Variants in PTPRN2 observed in about 807,000 individuals in gnomAD.
PTPRN2 encodes protein tyrosine phosphatase receptor type N2.
A neutral mutation model predicts 118.8 loss-of-function variants in PTPRN2; 74 were observed. That is an observed-to-expected ratio of 0.62 (90% CI 0.52 to 0.76). The LOEUF is 0.76. Ranked by LOEUF, PTPRN2 falls within the 30% of genes least tolerant of loss-of-function variation. The pLI is 0.00. For synonymous variants in PTPRN2, 641 were observed against 608.0 expected, an observed-to-expected ratio of 1.05 and a Z score of -0.80; for missense variants, 1,481 against 1,394.4, an observed-to-expected ratio of 1.06 and a Z score of -0.99.
intron 2 of PTPRN2, among the ~76,000 whole-genome samples, chr7:158,481,820 C>A (rs1000682758): frequency 9.2e-5 from 14 of 152,230 alleles, no homozygotes; most frequent in Admixed American, 2.6e-4. Flanking sequence ...ATAGTGATTC[C>A]TCTGACTGAT....
At position 157,785,388 on chromosome 7, in the gene PTPRN2, GC is replaced by G. The variant is rs1563106233; in HGVS notation, c.1789-102452del. Among the ~76,000 whole-genome samples the G allele has an allele frequency of 6.6e-6, 1 of 152,150 alleles. No homozygotes were observed. The highest frequency in any genetic ancestry group is 1.5e-5 in the Non-Finnish European group (1 of 68,020). ...GACCACGGTGCTCCAAAACGAAATC[GC>G]CCCCGAGGATGAAAGGGGGTGGTGG... On this transcript the variant is annotated intron_variant, in intron 12 of 22. Transcript: ENST00000389418. The surrounding 1 kb of genome is among the most constrained non-coding windows in gnomAD (Gnocchi z 7.3).
chr7:158,139,608 TG>T (rs1819184212), intron 6 of PTPRN2, among the ~76,000 whole-genome samples: 1 of 150,924 alleles, frequency 6.6e-6, no homozygotes, highest in African/African-American at 2.4e-5. Context: ...GATAATAAAA[TG>T]CAAGGAGAAC....
At chr7:158,116,031 C>T (rs1487916818) in intron 9 of PTPRN2, among the ~76,000 whole-genome samples, 4 of 152,182 alleles carry the variant, frequency 2.6e-5, no homozygotes, top group South Asian at 2.1e-4. Flanking sequence ...CTGCATGGAG[C>T]GGTGAAGTAA....
chr7:158,580,385 G>C (rs747462015), intron 1 of PTPRN2, among the ~76,000 whole-genome samples: 1 of 152,194 alleles, frequency 6.6e-6, no homozygotes, highest in Non-Finnish European at 1.5e-5. Flanking sequence ...TCAGAAACCA[G>C]GTCAGCCTTC....
chr7:158,474,179 C>T lies in PTPRN2; in HGVS notation c.163+15556G>A, dbSNP rs577936469. Among the ~76,000 whole-genome samples the T allele has an allele frequency of 2.5e-3, 379 of 152,288 alleles. 1 individual carries two copies. Among genetic ancestry groups the T allele is most frequent in the African/African-American group, 8.3e-3 (345 of 41,556 alleles). ...GGTCATCAGCCACAGCTAAGCCAGGCCAACCCAAGAGGCACAGCGAACTCT... is the reference window on the plus strand; with the variant it reads ...GGTCATCAGCCACAGCTAAGCCAGGTCAACCCAAGAGGCACAGCGAACTCT... On this transcript the variant is annotated intron_variant, in intron 2 of 22. Transcript: ENST00000389418.
chr7:157,574,803 C>A (rs1401735826), intron 19 of PTPRN2, among the ~76,000 whole-genome samples: 1 of 152,188 alleles, frequency 6.6e-6, no homozygotes, highest in Admixed American at 6.5e-5. Flanking sequence ...AACCAGCCAC[C>A]GGCAATGCTT....
At chr7:157,710,552 G>C (rs1488839201) in intron 12 of PTPRN2, among the ~76,000 whole-genome samples, 1 of 145,806 alleles carries the variant, frequency 6.9e-6, no homozygotes, top group Non-Finnish European at 1.5e-5. Flanking sequence ...TCCCGCTGCA[G>C]AAGAACCCTG....
At chr7:157,912,330 A>C (rs1445363294) in intron 11 of PTPRN2, among the ~76,000 whole-genome samples, 1 of 152,152 alleles carries the variant, frequency 6.6e-6, no homozygotes, top group East Asian at 1.9e-4. Context: ...CTCTTACATG[A>C]AATTTTTGTT....
intron 3 of PTPRN2, among the ~76,000 whole-genome samples, chr7:158,255,849 C>T (rs975683140): frequency 6.6e-6 from 1 of 152,012 alleles, no homozygotes; most frequent in African/African-American, 2.4e-5. Context: ...CTCAGGGCAC[C>T]CGTCCTCACT....
chr7:158,227,977 C>T (rs1341419426), intron 3 of PTPRN2, among the ~76,000 whole-genome samples: 1 of 151,178 alleles, frequency 6.6e-6, no homozygotes, highest in African/African-American at 2.4e-5. Context: ...AAATGCAAAG[C>T]ATTTCTATAA....
chr7:158,206,866 G>T (rs78950795), intron 3 of PTPRN2, among the ~76,000 whole-genome samples: 3 of 149,562 alleles, frequency 2.0e-5, no homozygotes, highest in African/African-American at 7.4e-5. Flanking sequence ...GTACAGGTTA[G>T]TTACATACGT....
intron 2 of PTPRN2, among the ~76,000 whole-genome samples, chr7:158,414,521 G>T (rs1402977907): frequency 2.0e-5 from 3 of 152,234 alleles, no homozygotes; most frequent in Admixed American, 1.3e-4. Flanking sequence ...GAAATTAGAT[G>T]TTCTCCGGGC....
intron 11 of PTPRN2, among the ~76,000 whole-genome samples, chr7:157,970,251 C>T (rs1488809009): frequency 6.6e-6 from 1 of 152,206 alleles, no homozygotes; most frequent in Non-Finnish European, 1.5e-5. Flanking sequence ...GAGCTCAGGA[C>T]ACACATTGAG....
At chr7:158,185,034 G>A (rs1248633949) in intron 5 of PTPRN2, among the ~76,000 whole-genome samples, 1 of 152,140 alleles carries the variant, frequency 6.6e-6, no homozygotes, top group Non-Finnish European at 1.5e-5. Context: ...ACTATGGTGA[G>A]TTATGTTGGT....
intron 3 of PTPRN2, among the ~76,000 whole-genome samples, chr7:158,263,917 A>G (rs1344656019): frequency 2.6e-5 from 4 of 152,152 alleles, no homozygotes; most frequent in African/African-American, 9.7e-5. Flanking sequence ...GTGGCTGAAC[A>G]CCCGCGTCAC....
At chr7:157,936,850 C>T (rs1428261144) in intron 11 of PTPRN2, among the ~76,000 whole-genome samples, 1 of 152,218 alleles carries the variant, frequency 6.6e-6, no homozygotes, top group Non-Finnish European at 1.5e-5. Context: ...TGTATGAGGC[C>T]ATCCTTTCGG....
At chr7:157,832,958 G>A (rs570756950) in intron 12 of PTPRN2, among the ~76,000 whole-genome samples, 85 of 152,402 alleles carry the variant, frequency 5.6e-4, no homozygotes, top group African/African-American at 2.0e-3. Context: ...GGTGCGTGAT[G>A]TGGCTGGTGC....
In PTPRN2 at chr7:157,767,962, C is replaced by T. The variant is rs116885635; in HGVS notation, c.1789-85025G>A. Among the ~76,000 whole-genome samples the T allele has an allele frequency of 4.6e-5, 7 of 152,306 alleles. No homozygotes were observed. The East Asian group carries it at 1.3e-3, about 29-fold the overall frequency. On this transcript the variant is annotated intron_variant, in intron 12 of 22. Coordinates refer to ENST00000389418, the MANE Select transcript of PTPRN2 (RefSeq NM_002847.5). ...AGGACATGAAGGCACAGTCATGGGACGCTTCCATACACGATTCCTGCTTAT... is the reference window on the plus strand; with the variant it reads ...AGGACATGAAGGCACAGTCATGGGATGCTTCCATACACGATTCCTGCTTAT...
At chr7:158,173,727 G>A (rs892160520) in intron 5 of PTPRN2, among the ~76,000 whole-genome samples, 2 of 152,010 alleles carry the variant, frequency 1.3e-5, no homozygotes, top group African/African-American at 2.4e-5. Flanking sequence ...CTCCCAGAAC[G>A]GCCATTCATA....
Sources: gnomAD v4.1 joint callset for allele counts (sites outside exome capture counted in the v4.1 genomes callset) on GRCh38, gnomAD v4.1.1 for gene constraint, Gnocchi (gnomAD v3.1) non-coding constraint, MANE v1.5 for transcripts, NCBI Gene and HGNC (gene_info 2026-07-23, HGNC 2026-07-21) for gene names.